Variants in KAZN observed in about 807,000 individuals in gnomAD.
KAZN encodes the protein kazrin.
A neutral mutation model predicts 87.4 loss-of-function variants in KAZN; 40 were observed. The observed-to-expected ratio is 0.46, with a 90% CI of 0.36 to 0.60. The LOEUF is 0.60. KAZN is among the 20% of genes least tolerant of loss of function. The pLI is 0.00. For missense variants in KAZN, 898 were observed against 1,073.9 expected (o/e 0.84, Z 2.29); for synonymous variants, 466 against 458.3 (o/e 1.02, Z -0.22).
chr1:15,092,113 G>A (rs138484442), intron 8 of KAZN, among the ~76,000 whole-genome samples: 1 of 78,468 alleles, frequency 1.3e-5, no homozygotes, highest in East Asian at 4.3e-4. Flanking sequence ...TTTCACTCTT[G>A]TTGGCCAGGC....
intron 1 of KAZN, among the ~76,000 whole-genome samples, chr1:14,156,622 G>C (rs1430905563): frequency 6.6e-6 from 1 of 152,046 alleles, no homozygotes; most frequent in East Asian, 1.9e-4. Context: ...TTTTTGTCTT[G>C]AAATCTATTT....
chr1:14,451,098 C>T (rs192244704), intron 2 of KAZN, among the ~76,000 whole-genome samples: 1 of 152,276 alleles, frequency 6.6e-6, no homozygotes, highest in Admixed American at 6.5e-5. Flanking sequence ...AGAAGCTGAG[C>T]AGATGCTGGC....
intron 2 of KAZN, among the ~76,000 whole-genome samples, chr1:15,034,133 G>A (rs1672009647): frequency 6.6e-6 from 1 of 152,172 alleles, no homozygotes; most frequent in Non-Finnish European, 1.5e-5. Context: ...TACAGGATTT[G>A]CAAATATTTT....
chr1:14,082,068 C>A (rs950284296), intron 1 of KAZN, among the ~76,000 whole-genome samples: 2 of 152,184 alleles, frequency 1.3e-5, no homozygotes, highest in African/African-American at 4.8e-5. Flanking sequence ...AGCCACTATG[C>A]CCAGCCCACT....
chr1:14,418,923 T>G (rs769659572), intron 2 of KAZN, among the ~76,000 whole-genome samples: 2 of 152,180 alleles, frequency 1.3e-5, no homozygotes, highest in Non-Finnish European at 2.9e-5. Flanking sequence ...GGATGGGGGT[T>G]TGTGGGGACC....
chr1:15,058,848 G>C (rs1331962305), intron 5 of KAZN, among the ~76,000 whole-genome samples: 1 of 151,948 alleles, frequency 6.6e-6, no homozygotes, highest in Non-Finnish European at 1.5e-5. Flanking sequence ...GTGAAATCCT[G>C]TCTCTACTAA....
chr1:13,972,298 C>T (rs977972499), intron 1 of KAZN, among the ~76,000 whole-genome samples: 5 of 140,508 alleles, frequency 3.6e-5, no homozygotes. Context: ...TTTTGAGACA[C>T]AGTCTTGCTT....
chr1:14,465,219 G>A (rs1002599928), intron 2 of KAZN, among the ~76,000 whole-genome samples: 6 of 151,644 alleles, frequency 4.0e-5, no homozygotes, highest in African/African-American at 1.5e-4. Flanking sequence ...CTAACATGGT[G>A]AAACCCCATC....
At chr1:14,924,475 C>A (rs1658925452) in intron 1 of KAZN, 2 of 992,812 alleles carry the variant, frequency 2.0e-6, no homozygotes, top group South Asian at 4.5e-5. Flanking sequence ...CCCCGGGACC[C>A]GCAGCCTGCG....
Position 14,068,109 on chromosome 1 carries a change from G to A in KAZN, c.92-112326G>A, listed in dbSNP as rs563799974. ...TAACTGCTGGCAAGAGTGAGGGAGG[G>A]GTGTTGATGTTCCCCCCCCCAACAA... On this transcript the variant is annotated intron_variant, in intron 1 of 16. Coordinates refer to the KAZN transcript ENST00000636203. Among the ~76,000 whole-genome samples the A allele has an allele frequency of 2.1e-5, 3 of 143,270 alleles. No homozygotes were observed. The South Asian group carries it at 6.8e-4, about 33-fold the overall frequency. The allele number at this position is 143,270 out of a possible 152,430, so 94.0% of individuals were successfully genotyped here.
At chr1:14,578,905 C>T (rs1462230511) in intron 2 of KAZN, among the ~76,000 whole-genome samples, 1 of 152,132 alleles carries the variant, frequency 6.6e-6, no homozygotes, top group Non-Finnish European at 1.5e-5. Flanking sequence ...ATTATCATTA[C>T]CAGTTTATAA....
chr1:14,303,105 G>A (rs1391712037), intron 2 of KAZN, among the ~76,000 whole-genome samples: 1 of 152,208 alleles, frequency 6.6e-6, no homozygotes, highest in Non-Finnish European at 1.5e-5. Context: ...ATCCCTGCTT[G>A]GTGCTTTTAA....
At chr1:14,449,392 A>G (rs1475123519) in intron 2 of KAZN, among the ~76,000 whole-genome samples, 5 of 152,182 alleles carry the variant, frequency 3.3e-5, no homozygotes, top group African/African-American at 7.2e-5. Context: ...TAGAAATTTT[A>G]CAGAACCAGA....
chr1:14,559,320 C>T (rs1054434698), intron 2 of KAZN, among the ~76,000 whole-genome samples: 23 of 152,282 alleles, frequency 1.5e-4, no homozygotes, highest in African/African-American at 5.3e-4. Flanking sequence ...AGGGCCTTTT[C>T]CCCTAACAAA....
chr1:14,535,580 C>G (rs968398525), intron 2 of KAZN, among the ~76,000 whole-genome samples: 13 of 151,922 alleles, frequency 8.6e-5, no homozygotes, highest in African/African-American at 3.1e-4. Flanking sequence ...GCAGGAGAAT[C>G]GCTTGAACCA....
chr1:14,988,227 T>A (rs1297528010), intron 2 of KAZN, among the ~76,000 whole-genome samples: 1 of 152,222 alleles, frequency 6.6e-6, no homozygotes, highest in Non-Finnish European at 1.5e-5. Flanking sequence ...CCATTTGGTC[T>A]CATGCCCCTA....
At chr1:15,112,300 G>A (rs191320699) in intron 13 of KAZN, 127 bp from the exon 14 acceptor site, 20 of 674,836 alleles carry the variant, frequency 3.0e-5, no homozygotes, top group Middle Eastern at 8.1e-4. Flanking sequence ...GTAATCAGTC[G>A]GTCTCAGCAG....
chr1:14,609,261 G>A (rs536646553), intron 1 of KAZN, among the ~76,000 whole-genome samples: 1 of 152,302 alleles, frequency 6.6e-6, no homozygotes, highest in South Asian at 2.1e-4. Flanking sequence ...CATTTTGTGT[G>A]GATGGTCAGC....
At chr1:14,971,783 A>G (rs1469082301) in intron 2 of KAZN, among the ~76,000 whole-genome samples, 1 of 146,482 alleles carries the variant, frequency 6.8e-6, no homozygotes, top group Non-Finnish European at 1.5e-5. Flanking sequence ...CCGGGTTCAC[A>G]CCATTCGGCA....
Sources: allele counts gnomAD v4.1 joint callset (sites outside exome capture counted in the v4.1 genomes callset), GRCh38; gene constraint gnomAD v4.1.1; transcripts MANE v1.5; gene names NCBI Gene and HGNC (gene_info 2026-07-23, HGNC 2026-07-21).